The following TULP4 variants were observed in gnomAD, a reference collection of about 807,000 sequenced individuals.
TULP4 encodes TUB like protein 4.
A neutral mutation model predicts 129.0 loss-of-function variants in TULP4; 16 were observed. The ratio of observed to expected loss-of-function variants is 0.12; its 90% CI spans 0.08 to 0.19. TULP4 has a LOEUF of 0.19. TULP4 is among the 10% of genes least tolerant of loss of function. The pLI, the probability that TULP4 is intolerant of heterozygous loss-of-function variation, is 1.00. For missense variants in TULP4, 1,842 were observed against 2,059.1 expected (o/e 0.89, Z 2.04); for synonymous variants, 998 against 854.0 (o/e 1.17, Z -2.94).
intron 3 of TULP4, among the ~76,000 whole-genome samples, chr6:158,441,418 T>C (rs1174620667): frequency 2.0e-5 from 3 of 152,236 alleles, no homozygotes; most frequent in Non-Finnish European, 2.9e-5. Flanking sequence ...AATGCAACGT[T>C]AGATTTTCTT....
chr6:158,276,859 C>G (rs1315508051), intron 1 of TULP4, among the ~76,000 whole-genome samples: 2 of 151,996 alleles, frequency 1.3e-5, no homozygotes, highest in Middle Eastern at 3.4e-3. Context: ...TAGAGAAGGC[C>G]TAACTTATTA....
At chr6:158,500,830 C>T (rs993723361) in intron 12 of TULP4, among the ~76,000 whole-genome samples, 1 of 152,130 alleles carries the variant, frequency 6.6e-6, no homozygotes, top group African/African-American at 2.4e-5. Flanking sequence ...CTTTGGGAGG[C>T]GAGGTGGGTG....
Position 158,459,265 on chromosome 6 carries a change from T to C in TULP4, c.860-2298T>C, listed in dbSNP as rs560067983. ...GACCAACATGGAGAAAACCCGTCTC[T>C]ACTGAAAATACAAAATTAGCTGGGC... On this transcript the variant is annotated intron_variant, in intron 5 of 13. Coordinates refer to ENST00000367097, the MANE Select transcript of TULP4 (RefSeq NM_020245.5). 3.9e-5 allele frequency among the ~76,000 whole-genome samples: 6 copies of C among 152,218 alleles called. No individual in the cohort carries two copies. The East Asian group carries it at 1.2e-3, about 29-fold the overall frequency.
intron 1 of TULP4, 96 bp downstream of exon 1, chr6:158,314,364 T>C: frequency 6.9e-7 from 1 of 1,452,050 alleles, no homozygotes; most frequent in Admixed American, 1.9e-5. Flanking sequence ...TTTCATAGAC[T>C]TGCTGCCTAG....
At chr6:158,420,657 T>G (rs551049263) in intron 2 of TULP4, among the ~76,000 whole-genome samples, 22 of 151,694 alleles carry the variant, frequency 1.5e-4, no homozygotes, top group Non-Finnish European at 2.7e-4. Flanking sequence ...AATTTTTGTT[T>G]TTTTTTAGTA....
intron 3 of TULP4, among the ~76,000 whole-genome samples, chr6:158,445,769 C>T (rs374554067): frequency 5.9e-5 from 9 of 152,230 alleles, no homozygotes; most frequent in South Asian, 2.1e-4. Context: ...TGCAGTCATG[C>T]GTTTCATCTT....
rs547121600 is a variant in TULP4, at chr6:158,365,545, C to G, written c.253-47520C>G. 2.0e-5 allele frequency among the ~76,000 whole-genome samples: 3 copies of G among 150,244 alleles called. No individual in the cohort carries two copies. The South Asian group carries it at 6.3e-4, about 32-fold the overall frequency. ...AGGCTGGAGTGCAGTGGTGCGATCTCAGCTCACTGCAAGCTCCGCCTCGCA... is the reference window on the plus strand; with the variant it reads ...AGGCTGGAGTGCAGTGGTGCGATCTGAGCTCACTGCAAGCTCCGCCTCGCA... On this transcript the variant is annotated intron_variant, in intron 1 of 13. Coordinates refer to ENST00000367097, the MANE Select transcript of TULP4 (RefSeq NM_020245.5).
chr6:158,421,468 A>G (rs1195527251), intron 2 of TULP4, among the ~76,000 whole-genome samples: 4 of 152,170 alleles, frequency 2.6e-5, no homozygotes, highest in Admixed American at 6.5e-5. Context: ...CTAGTTGACA[A>G]TTGGTTGAGT....
chr6:158,363,777 G>A (rs1309205509), intron 1 of TULP4, among the ~76,000 whole-genome samples: 2 of 152,010 alleles, frequency 1.3e-5, no homozygotes, highest in East Asian at 1.9e-4. Flanking sequence ...GAGCCACCGC[G>A]CAAGGCCGCG....
intron 1 of TULP4, among the ~76,000 whole-genome samples, chr6:158,316,620 T>A (rs1382328503): frequency 2.0e-5 from 3 of 152,180 alleles, no homozygotes; most frequent in Admixed American, 2.0e-4. Flanking sequence ...ATTTTTTTTT[T>A]TATTCTTATG....
At chr6:158,377,791 T>C (rs1470244729) in intron 1 of TULP4, among the ~76,000 whole-genome samples, 1 of 152,216 alleles carries the variant, frequency 6.6e-6, no homozygotes, top group East Asian at 1.9e-4. Context: ...ACTAGGAATA[T>C]AATGTTTTAA....
intron 1 of TULP4, among the ~76,000 whole-genome samples, chr6:158,288,718 T>G (rs895548124): frequency 1.5e-4 from 23 of 152,292 alleles, no homozygotes; most frequent in Middle Eastern, 3.4e-3. Context: ...GCCAGGATGG[T>G]CTCGATCTCC....
At chr6:158,266,431 A>G (rs182810446) in intron 1 of TULP4, among the ~76,000 whole-genome samples, 85 of 151,982 alleles carry the variant, frequency 5.6e-4, no homozygotes, top group Middle Eastern at 3.4e-3. Context: ...TAATTTTTGT[A>G]TTTTTTGTAG....
chr6:158,249,268 A>G (rs1778093066), intron 1 of TULP4, among the ~76,000 whole-genome samples: 4 of 152,016 alleles, frequency 2.6e-5, no homozygotes, highest in Non-Finnish European at 5.9e-5. Context: ...ATATGTAGAA[A>G]CTACTTTTCT....
At chr6:158,257,512 G>A (rs1778271740) in intron 1 of TULP4, among the ~76,000 whole-genome samples, 1 of 152,232 alleles carries the variant, frequency 6.6e-6, no homozygotes, top group Non-Finnish European at 1.5e-5. Flanking sequence ...GCCATGGTGT[G>A]TCATGTTTCA....
intron 1 of TULP4, among the ~76,000 whole-genome samples, chr6:158,360,075 C>T (rs1403565351): frequency 6.6e-6 from 1 of 151,800 alleles, no homozygotes; most frequent in Non-Finnish European, 1.5e-5. Context: ...TTGAAGCCTT[C>T]CCCCCTTCCC....
At chr6:158,290,325 C>G (rs2128470254) in intron 1 of TULP4, among the ~76,000 whole-genome samples, 1 of 152,222 alleles carries the variant, frequency 6.6e-6, no homozygotes, top group East Asian at 1.9e-4. Flanking sequence ...TTTGTTGTCT[C>G]CTTTTGAGAA....
chr6:158,475,531 G>A (rs575749140), intron 6 of TULP4, among the ~76,000 whole-genome samples: 82 of 152,314 alleles, frequency 5.4e-4, no homozygotes, highest in African/African-American at 2.0e-3. Flanking sequence ...TTTTTCCCTA[G>A]CAGACAGCAG....
chr6:158,436,461 T>C (rs529764453), intron 3 of TULP4, among the ~76,000 whole-genome samples: 1 of 152,202 alleles, frequency 6.6e-6, no homozygotes, highest in Non-Finnish European at 1.5e-5. Context: ...AGAATGTAGG[T>C]AAAGTGAGTT....
Sources: gnomAD v4.1 joint callset for allele counts (sites outside exome capture counted in the v4.1 genomes callset) on GRCh38, gnomAD v4.1.1 for gene constraint, MANE v1.5 for transcripts, NCBI Gene and HGNC (gene_info 2026-07-23, HGNC 2026-07-21) for gene names.